The following SPTLC3 variants were observed in gnomAD, a reference collection of about 807,000 sequenced individuals.
The protein encoded by SPTLC3 is serine palmitoyltransferase long chain base subunit 3, also known as serine palmitoyltransferase 3.
SPTLC3 carries 36 observed loss-of-function variants against 59.3 expected under a neutral mutation model. The observed-to-expected ratio is 0.61, with a 90% CI of 0.47 to 0.80. The LOEUF (loss-of-function observed/expected upper bound fraction) is 0.80, where lower values mean the gene tolerates loss of function less well. Ranked by LOEUF, SPTLC3 falls within the 30% of genes least tolerant of loss-of-function variation. The probability of loss-of-function intolerance (pLI) is 0.00; values close to 1 mark genes in which losing one functional copy is unlikely to be tolerated. For missense variants in SPTLC3, 625 were observed against 685.1 expected, an observed-to-expected ratio of 0.91 and a Z score of 0.98; for synonymous variants, 257 against 240.8, an observed-to-expected ratio of 1.07 and a Z score of -0.62.
chr20:13,157,156 A>C (rs1235802364), intron 10 of SPTLC3, among the ~76,000 whole-genome samples: 1 of 152,056 alleles, frequency 6.6e-6, no homozygotes, highest in Non-Finnish European at 1.5e-5. Flanking sequence ...TACTTTCTAA[A>C]GCCGGGTACG....
intron 1 of SPTLC3, among the ~76,000 whole-genome samples, chr20:13,019,082 A>G (rs545744057): frequency 3.7e-4 from 56 of 152,276 alleles, no homozygotes; most frequent in African/African-American, 1.2e-3. Flanking sequence ...ATCTGAGCCC[A>G]GCGGAGTTTC....
At chr20:13,010,481 A>G (rs1406556560) in intron 1 of SPTLC3, among the ~76,000 whole-genome samples, 2 of 152,158 alleles carry the variant, frequency 1.3e-5, no homozygotes, top group Non-Finnish European at 2.9e-5. Flanking sequence ...GTTGTGTGTA[A>G]ACAGGCTGTG....
intron 9 of SPTLC3, among the ~76,000 whole-genome samples, chr20:13,148,756 C>G (rs1168425384): frequency 6.6e-6 from 1 of 152,168 alleles, no homozygotes; most frequent in Non-Finnish European, 1.5e-5. Context: ...AGGTCCCATC[C>G]CCAGAGATCC....
At chr20:13,061,780 A>G (rs1363569185) in intron 2 of SPTLC3, among the ~76,000 whole-genome samples, 1 of 152,126 alleles carries the variant, frequency 6.6e-6, no homozygotes, top group Non-Finnish European at 1.5e-5. Flanking sequence ...CCAAACCACC[A>G]TCTCCTCTCA....
chr20:13,020,763 G>A (rs1485945087), intron 1 of SPTLC3, among the ~76,000 whole-genome samples: 2 of 152,076 alleles, frequency 1.3e-5, no homozygotes, highest in African/African-American at 4.8e-5. Context: ...GATATCAGAT[G>A]TAACTGGGTT....
chr20:13,149,747 T>C (rs1029650930), intron 9 of SPTLC3, among the ~76,000 whole-genome samples: 2 of 152,236 alleles, frequency 1.3e-5, no homozygotes, highest in African/African-American at 4.8e-5. Flanking sequence ...CTCTGAAGGA[T>C]CTGGAAGCAG....
At chr20:13,022,676 G>C (rs1985948275) in intron 1 of SPTLC3, among the ~76,000 whole-genome samples, 1 of 151,944 alleles carries the variant, frequency 6.6e-6, no homozygotes, top group African/African-American at 2.4e-5. Flanking sequence ...AGGTTCAAGG[G>C]GAGGAGATTA....
chr20:13,018,133 G>A (rs1036931295), intron 1 of SPTLC3, among the ~76,000 whole-genome samples: 6 of 152,208 alleles, frequency 3.9e-5, no homozygotes, highest in African/African-American at 1.4e-4. Flanking sequence ...TAGACCAGCT[G>A]TCCCTGTTGG....
intron 10 of SPTLC3, among the ~76,000 whole-genome samples, chr20:13,157,429 C>T (rs1441003377): frequency 1.3e-5 from 2 of 151,914 alleles, no homozygotes; most frequent in African/African-American, 2.4e-5. Context: ...AAGAGTGAAA[C>T]TCCATGTCAA....
At chr20:13,090,880 T>C (rs1327818241) in intron 4 of SPTLC3, among the ~76,000 whole-genome samples, 1 of 136,412 alleles carries the variant, frequency 7.3e-6, no homozygotes, top group East Asian at 2.2e-4. Flanking sequence ...TGAATTCCAC[T>C]GTATAAATAC....
intron 6 of SPTLC3, among the ~76,000 whole-genome samples, chr20:13,098,554 C>T (rs1440174843): frequency 6.6e-6 from 1 of 152,134 alleles, no homozygotes; most frequent in African/African-American, 2.4e-5. Flanking sequence ...AATTTTATCT[C>T]CCAATTTTAC....
In SPTLC3 at chr20:13,165,814, G is replaced by A. The variant is rs2038977180; in HGVS notation, c.*947G>A. On this transcript the variant is annotated 3_prime_UTR_variant, in exon 12 of 12. Transcript: ENST00000399002. ...TTGAAGAATGCATTGATTCAAGAAG[G>A]ACATTTAAAAGCAAATTCTGACTTT... The A allele has an allele frequency of 6.6e-6, 1 of 152,168 alleles. No individual in the cohort carries two copies. The allele number at this position is 152,168 out of a possible 1,614,324, so 9.4% of individuals were successfully genotyped here. A position where few individuals can be genotyped will look rare whatever the true frequency, so the allele number is the denominator to read the frequency against.
At chr20:13,102,559 T>G (rs1989641591) in intron 6 of SPTLC3, among the ~76,000 whole-genome samples, 1 of 152,166 alleles carries the variant, frequency 6.6e-6, no homozygotes, top group South Asian at 2.1e-4. Context: ...TGCCCCTGGA[T>G]GGCAGAGTGA....
chr20:13,011,866 A>C (rs922395391), intron 1 of SPTLC3, among the ~76,000 whole-genome samples: 1 of 152,034 alleles, frequency 6.6e-6, no homozygotes, highest in Non-Finnish European at 1.5e-5. Flanking sequence ...GGACACTATC[A>C]TACTAGAGGA....
chr20:13,024,699 T>A (rs1172629825), intron 1 of SPTLC3, among the ~76,000 whole-genome samples: 1 of 152,198 alleles, frequency 6.6e-6, no homozygotes, highest in Non-Finnish European at 1.5e-5. Context: ...GTTTAATCTC[T>A]GGAGAAGAGA....
At chr20:13,132,422 C>A (rs935491223) in intron 9 of SPTLC3, among the ~76,000 whole-genome samples, 3 of 152,028 alleles carry the variant, frequency 2.0e-5, no homozygotes, top group Non-Finnish European at 2.9e-5. Flanking sequence ...AGTAGTCCAC[C>A]CACCTCGGCC....
At chr20:13,048,899 C>A in intron 1 of SPTLC3, 46 bp from the exon 2 acceptor site, 1 of 1,493,542 alleles carries the variant, frequency 6.7e-7, no homozygotes, top group Non-Finnish European at 8.9e-7. Context: ...CATAGTATAT[C>A]TGTAACAGGA....
At chr20:13,009,435 A>T in intron 1 of SPTLC3, 51 bp downstream of exon 1, 3 of 1,495,100 alleles carry the variant, frequency 2.0e-6, no homozygotes, top group Non-Finnish European at 1.9e-6. Context: ...ACGTTTCAAT[A>T]TTTCTCTGTG....
chr20:13,098,069 T>G (rs566166330), intron 6 of SPTLC3, among the ~76,000 whole-genome samples: 136 of 152,242 alleles, frequency 8.9e-4, no homozygotes, highest in African/African-American at 2.9e-3. Flanking sequence ...TTTACATATT[T>G]AAAGCGTCGT....
Sources: allele counts gnomAD v4.1 joint callset (sites outside exome capture counted in the v4.1 genomes callset), GRCh38; gene constraint gnomAD v4.1.1; transcripts MANE v1.5; gene names NCBI Gene and HGNC (gene_info 2026-07-23, HGNC 2026-07-21).